Variants in EIF3L observed in about 807,000 individuals in gnomAD.
EIF3L encodes eIEF associated protein HSPC021.
Under a neutral mutation model 74.6 loss-of-function variants are expected in EIF3L, and 32 were observed. The observed-to-expected ratio is 0.43, with a 90% confidence interval of 0.32 to 0.58. The LOEUF is 0.58. Ranked by LOEUF, EIF3L falls within the 20% of genes least tolerant of loss-of-function variation. The pLI is 0.06. For synonymous variants in EIF3L, 256 were observed against 254.4 expected (o/e 1.01, Z -0.06); for missense variants, 474 against 707.8 (o/e 0.67, Z 3.75).
chr22:37,877,457 G>A (rs56388448), intron 10 of EIF3L: 1 of 558,146 alleles, frequency 1.8e-6, no homozygotes. Flanking sequence ...GTGCCAGTAA[G>A]GAATCCAGAA....
chr22:37,852,375 A>G (rs571948682), intron 3 of EIF3L, among the ~76,000 whole-genome samples: 13 of 152,358 alleles, frequency 8.5e-5, no homozygotes, highest in African/African-American at 3.1e-4. Context: ...GTCTGGCACC[A>G]AAGCCTAATT....
intron 10 of EIF3L, chr22:37,877,096 T>C (rs971150158): frequency 3.9e-5 from 6 of 152,996 alleles, no homozygotes; most frequent in African/African-American, 1.4e-4. Context: ...CAAACCTAGA[T>C]GGGATAACCT....
intron 5 of EIF3L, among the ~76,000 whole-genome samples, chr22:37,860,255 G>A (rs1468358309): frequency 6.6e-6 from 1 of 152,126 alleles, no homozygotes; most frequent in East Asian, 1.9e-4. Flanking sequence ...AAGTTAATTG[G>A]ACTAAAAGCC....
intron 7 of EIF3L, among the ~76,000 whole-genome samples, chr22:37,868,083 A>T (rs57223752): frequency 0.071 from 10,567 of 148,156 alleles, 1,268 homozygotes; most frequent in African/African-American, 0.25. Flanking sequence ...TTGCTTTTTT[A>T]ATTGCATTAC....
chr22:37,888,423 T>C lies in EIF3L; in HGVS notation c.1657-3T>C. 6.2e-7 allele frequency: 1 copy of C among 1,614,032 alleles called. No individual in the cohort carries two copies. The highest frequency in any genetic ancestry group is 8.5e-7 in the Non-Finnish European group (1 of 1,179,950). ...TGTAACTTTGCTTTTCTTTCTCTTC[T>C]AGCTTAATCGAACCCTGAAGAAGAT... On this transcript the variant is annotated splice_region_variant and splice_polypyrimidine_tract_variant and intron_variant, in intron 12 of 12. Transcript: ENST00000652021.
intron 5 of EIF3L, among the ~76,000 whole-genome samples, chr22:37,859,533 C>CA (rs1179649748): frequency 1.3e-5 from 2 of 151,276 alleles, no homozygotes; most frequent in African/African-American, 4.9e-5. Flanking sequence ...AGGTGCCTGC[C>CA]ACCACACCTG....
intron 5 of EIF3L, among the ~76,000 whole-genome samples, 160 bp downstream of exon 5, chr22:37,858,900 C>T (rs988124489): frequency 6.6e-6 from 1 of 151,936 alleles, no homozygotes; most frequent in Non-Finnish European, 1.5e-5. Flanking sequence ...ACAGTTTAAC[C>T]CAGAAAGCTG....
intron 3 of EIF3L, among the ~76,000 whole-genome samples, chr22:37,853,386 C>T (rs911960866): frequency 2.6e-5 from 4 of 152,190 alleles, no homozygotes; most frequent in African/African-American, 9.7e-5. Flanking sequence ...TGGAAGAGGG[C>T]CAGGTGGGTG....
chr22:37,866,412 C>T (rs1926153315), intron 7 of EIF3L, among the ~76,000 whole-genome samples: 1 of 152,166 alleles, frequency 6.6e-6, no homozygotes, highest in African/African-American at 2.4e-5. Flanking sequence ...TTAGGGATCA[C>T]TACCTAGAAG....
intron 11 of EIF3L, chr22:37,885,071 A>C (rs1208459186): frequency 2.0e-5 from 3 of 151,844 alleles, no homozygotes; most frequent in Admixed American, 6.6e-5. Context: ...GGACTGCACC[A>C]CCACATCTTG....
chr22:37,863,103 C>CA, intron 6 of EIF3L, 65 bp downstream of exon 6: 1 of 1,025,572 alleles, frequency 9.8e-7, no homozygotes, highest in Non-Finnish European at 1.4e-6. Context: ...TGGCCTCCAG[C>CA]TTTTTTTTTT....
rs937157256 is a variant in EIF3L, at chr22:37,874,531, C to G, written c.906+7C>G. 1.2e-6 allele frequency: 2 copies of G among 1,611,876 alleles called. No individual in the cohort carries two copies. Among genetic ancestry groups the G allele is most frequent in the Admixed American group, 3.3e-5 (2 of 59,844 alleles). ...CATCGAACTGAACAAGAAGGTGATG[C>G]CTATTGCCTCTGGCCCCTCTTGCCA... On this transcript the variant is annotated splice_region_variant and intron_variant, in intron 9 of 12. Transcript: ENST00000652021.
intron 8 of EIF3L, among the ~76,000 whole-genome samples, chr22:37,873,989 A>T (rs1384471822): frequency 2.0e-5 from 3 of 152,320 alleles, no homozygotes; most frequent in East Asian, 1.9e-4. Context: ...TGTTTGCATC[A>T]TGCAAAATTC....
At chr22:37,865,464 A>G (rs570489972) in intron 7 of EIF3L, among the ~76,000 whole-genome samples, 5 of 152,322 alleles carry the variant, frequency 3.3e-5, no homozygotes, top group African/African-American at 9.6e-5. Context: ...GTCTCAAAAA[A>G]AAAACCAAAA....
intron 7 of EIF3L, among the ~76,000 whole-genome samples, chr22:37,866,204 G>T (rs150240179): frequency 1.3e-5 from 2 of 152,208 alleles, no homozygotes; most frequent in South Asian, 4.1e-4. Context: ...AAATGGTTAC[G>T]TACTCTATTG....
intron 10 of EIF3L, chr22:37,876,361 T>A: frequency 6.2e-6 from 1 of 160,306 alleles, no homozygotes; most frequent in Non-Finnish European, 1.3e-5. Flanking sequence ...AGTACAGTGG[T>A]GCAATCTCAG....
At chr22:37,865,652 G>A (rs1926111664) in intron 7 of EIF3L, among the ~76,000 whole-genome samples, 1 of 152,172 alleles carries the variant, frequency 6.6e-6, no homozygotes, top group Non-Finnish European at 1.5e-5. Context: ...GGTGAGCTGA[G>A]AAACCTTCAT....
chr22:37,849,562 CA>C, intron 1 of EIF3L, 80 bp downstream of exon 1: 1 of 1,483,520 alleles, frequency 6.7e-7, no homozygotes. Context: ...CGGCGCGAGG[CA>C]GCTTCCGGGT....
Position 37,855,591 on chromosome 22 carries a change from T to TC in EIF3L, c.321dup (p.Lys108GlnfsTer9). 1 of 1,614,208 alleles carries TC rather than the reference T, an allele frequency of 6.2e-7. No homozygotes were observed. The highest frequency in any genetic ancestry group is 8.5e-7 in the Non-Finnish European group (1 of 1,180,018). On this transcript the variant is annotated frameshift_variant, in exon 4 of 13. Transcript: ENST00000652021. LOFTEE classifies it high-confidence loss of function. ...TGGACCAAGCTGACTGAAAGATTCT[T>TC]CAAGAATACACCTTGGCCCGAGGCT...
Sources: gnomAD v4.1 joint callset for allele counts (sites outside exome capture counted in the v4.1 genomes callset) on GRCh38, gnomAD v4.1.1 for gene constraint, MANE v1.5 for transcripts, NCBI Gene and HGNC (gene_info 2026-07-23, HGNC 2026-07-21) for gene names.